DERA: variants seen among roughly 807,000 people sequenced by gnomAD.
DERA encodes the protein 2-deoxy-D-ribose 5-phosphate aldolase.
In DERA, 15 loss-of-function variants were observed where a neutral mutation model predicts 41.1. The ratio of observed to expected loss-of-function variants is 0.37; its 90% CI spans 0.24 to 0.56. DERA has a LOEUF of 0.56. Among genes scored for constraint, DERA ranks in the 20% least tolerant of loss-of-function variants. The pLI, the probability that DERA is intolerant of heterozygous loss-of-function variation, is 0.81. For missense variants in DERA, 396 were observed against 403.4 expected (o/e 0.98, Z 0.16); for synonymous variants, 139 against 137.4 (o/e 1.01, Z -0.08).
Position 15,921,293 on chromosome 12 carries a change from AGG to A in DERA, c.31+9880_31+9881del, listed in dbSNP as rs986218006. 3.9e-5 allele frequency among the ~76,000 whole-genome samples: 6 copies of A among 152,144 alleles called. No homozygotes were observed. Among genetic ancestry groups the A allele is most frequent in the Non-Finnish European group, 1.5e-5 (1 of 68,034 alleles). ...TCAAATGATGCCAGTGGTTAGTGGA[AGG>A]ATATAATCAGTGTTCTTGATGATTT... On this transcript the variant is annotated intron_variant, in intron 1 of 8. Coordinates refer to ENST00000428559, the MANE Select transcript of DERA (RefSeq NM_015954.4). The surrounding 1 kb of genome is among the most constrained non-coding windows in gnomAD (Gnocchi z 5.3).
intron 1 of DERA, among the ~76,000 whole-genome samples, chr12:15,917,262 A>C (rs1948207498): frequency 1.3e-5 from 2 of 152,226 alleles, no homozygotes; most frequent in Non-Finnish European, 2.9e-5. Context: ...GTGGCATATG[A>C]AAATTTGACT....
rs1948821106 is a variant in DERA, at chr12:15,994,170, A to G, written c.637+11734A>G. Among the ~76,000 whole-genome samples, 1 of 152,248 alleles carries G rather than the reference A, an allele frequency of 6.6e-6. No individual in the cohort carries two copies. Among genetic ancestry groups the G allele is most frequent in the Non-Finnish European group, 1.5e-5 (1 of 68,040 alleles). The stretch of plus-strand genomic sequence containing the variant: ...AAAGACTGGTACATAGTAAATGCCT[A>G]GTACATGCTTGCTGATAGATTCAGG... On this transcript the variant is annotated intron_variant, in intron 6 of 8. Transcript: ENST00000428559. The surrounding 1 kb of genome is among the most constrained non-coding windows in gnomAD (Gnocchi z 4.8).
rs1948615249 is a variant in DERA at position 15,965,403 on chromosome 12, G to C, written c.508+2456G>C. Among the ~76,000 whole-genome samples the C allele has an allele frequency of 6.6e-6, 1 of 152,130 alleles. No individual in the cohort carries two copies. The highest frequency in any genetic ancestry group is 2.1e-4 in the South Asian group (1 of 4,818). On this transcript the variant is annotated intron_variant, in intron 5 of 8. Transcript: ENST00000428559. This position sits in a 1 kb window ranked among gnomAD's most constrained non-coding sequence, Gnocchi z 4.1. The stretch of plus-strand genomic sequence containing the variant: ...CACCTATCAACCCATCACCTAGGTA[G>C]GTATTAAGTGCCTCATGCATTAGCT...
In DERA at chr12:16,020,920, C is replaced by T. The variant is rs188757482; in HGVS notation, c.638-11622C>T. The stretch of plus-strand genomic sequence containing the variant: ...GCAGCAAAGCATTCATGATGTGGCC[C>T]GGCTACTTCTAACAGCCTACAGTCA... On this transcript the variant is annotated intron_variant, in intron 6 of 8. Transcript: ENST00000428559. This position sits in a 1 kb window ranked among gnomAD's most constrained non-coding sequence, Gnocchi z 5.5. Among the ~76,000 whole-genome samples, 70 of 152,246 alleles carry T rather than the reference C, an allele frequency of 4.6e-4. No homozygotes were observed. Among genetic ancestry groups the T allele is most frequent in the African/African-American group, 1.4e-3 (60 of 41,544 alleles).
intron 3 of DERA, 43 bp downstream of exon 3, chr12:15,958,378 A>C: frequency 6.8e-7 from 1 of 1,479,124 alleles, no homozygotes; most frequent in Non-Finnish European, 9.0e-7. Context: ...TAGTGCTTAC[A>C]ATACTGATTA....
intron 1 of DERA, among the ~76,000 whole-genome samples, chr12:15,917,737 TTCCACAGACTGGGGTAG>T (rs1486343793): frequency 6.6e-6 from 1 of 152,222 alleles, no homozygotes; most frequent in African/African-American, 2.4e-5. Flanking sequence ...AGGACAGTTT[TTCCACAGACTGGGGTAG>T]GGGTGGGTGT....
chr12:16,021,119 A>C lies in DERA; in HGVS notation c.638-11423A>C, dbSNP rs1949014721. On this transcript the variant is annotated intron_variant, in intron 6 of 8. Transcript: ENST00000428559. The surrounding 1 kb of genome is among the most constrained non-coding windows in gnomAD (Gnocchi z 5.3). ...TTGTCTAAAAGGGAGCCAAGTGCTC[A>C]TATATAAGACTGTGGGGAAAAGACT... 1.3e-5 allele frequency among the ~76,000 whole-genome samples: 2 copies of C among 152,246 alleles called. No individual in the cohort carries two copies. Among genetic ancestry groups the C allele is most frequent in the Non-Finnish European group, 2.9e-5 (2 of 68,042 alleles).
chr12:16,034,168 GT>G (rs1236239856), intron 7 of DERA, among the ~76,000 whole-genome samples: 1 of 152,190 alleles, frequency 6.6e-6, no homozygotes, highest in African/African-American at 2.4e-5. Flanking sequence ...TTTGCATTAA[GT>G]TCCATTGCCA....
At position 15,924,770 on chromosome 12, in the gene DERA, A is replaced by T. The variant is rs1320518626; in HGVS notation, c.31+13356A>T. Among the ~76,000 whole-genome samples the T allele has an allele frequency of 6.6e-6, 1 of 152,208 alleles. No homozygotes were observed. The highest frequency in any genetic ancestry group is 2.4e-5 in the African/African-American group (1 of 41,454). On this transcript the variant is annotated intron_variant, in intron 1 of 8. Coordinates refer to ENST00000428559, the MANE Select transcript of DERA (RefSeq NM_015954.4). This position sits in a 1 kb window ranked among gnomAD's most constrained non-coding sequence, Gnocchi z 5.0. ...CTTTCACCATTTCACCTCCTCCCTG[A>T]AGGCTTACTTGGTCTCCTCTGCTAG...
Position 15,967,739 on chromosome 12 carries a change from C to G in DERA, c.508+4792C>G, listed in dbSNP as rs1255649539. Among the ~76,000 whole-genome samples, 3 of 152,218 alleles carry G rather than the reference C, an allele frequency of 2.0e-5. No homozygotes were observed. In the East Asian group the frequency reaches 5.8e-4, roughly 29 times the overall value. On this transcript the variant is annotated intron_variant, in intron 5 of 8. Transcript: ENST00000428559. This position sits in a 1 kb window ranked among gnomAD's most constrained non-coding sequence, Gnocchi z 4.9. Reference sequence around the variant, plus strand: ...TGTTGAGCTCGTGACGGCACACTGTCCTTCCCTGCCAATCCTTCTGTCACT... The same window carrying G: ...TGTTGAGCTCGTGACGGCACACTGTGCTTCCCTGCCAATCCTTCTGTCACT...
At position 15,954,303 on chromosome 12, in the gene DERA, C is replaced by T. The variant is rs538976773; in HGVS notation, c.32-2633C>T. Among the ~76,000 whole-genome samples, 8 of 152,214 alleles carry T rather than the reference C, an allele frequency of 5.3e-5. No homozygotes were observed. Among genetic ancestry groups the T allele is most frequent in the African/African-American group, 1.7e-4 (7 of 41,526 alleles). ...TATGCCACCCGTGCGTCAGGTCCTT[C>T]GCTTGGAGTTTTAAAAAATCTTTTG... On this transcript the variant is annotated intron_variant, in intron 1 of 8. Transcript: ENST00000428559. The surrounding 1 kb of genome is among the most constrained non-coding windows in gnomAD (Gnocchi z 4.0).
chr12:16,003,636 C>T lies in DERA; in HGVS notation c.637+21200C>T, dbSNP rs746256060. ...GGGCAGTGGAGAGGGAAGTAGACTG[C>T]AGGGTTGATGTAAGAAAAACAGGTG... On this transcript the variant is annotated intron_variant, in intron 6 of 8. Coordinates refer to ENST00000428559, the MANE Select transcript of DERA (RefSeq NM_015954.4). The surrounding 1 kb of genome is among the most constrained non-coding windows in gnomAD (Gnocchi z 4.8). Among the ~76,000 whole-genome samples the T allele has an allele frequency of 3.9e-5, 6 of 152,112 alleles. No individual in the cohort carries two copies. Among genetic ancestry groups the T allele is most frequent in the Non-Finnish European group, 7.4e-5 (5 of 68,010 alleles).
At chr12:15,960,124 C>G (rs953367221) in intron 4 of DERA, among the ~76,000 whole-genome samples, 200 bp downstream of exon 4, 5 of 151,370 alleles carry the variant, frequency 3.3e-5, no homozygotes, top group African/African-American at 1.2e-4. Flanking sequence ...AACTGTATTC[C>G]TATCCTTAAA....
intron 1 of DERA, among the ~76,000 whole-genome samples, chr12:15,933,148 TC>T (rs1395041596): frequency 2.6e-5 from 4 of 152,222 alleles, no homozygotes; most frequent in African/African-American, 9.6e-5. Flanking sequence ...AGATGTTTCT[TC>T]AACATACTGA....
rs184913287 is a variant in DERA at position 15,970,421 on chromosome 12, T to C, written c.508+7474T>C. The stretch of plus-strand genomic sequence containing the variant: ...ATACATATAAGTTTTATTAACAGAG[T>C]TTTTGATGTCTAGAGCAGTGCTTTT... On this transcript the variant is annotated intron_variant, in intron 5 of 8. Coordinates refer to ENST00000428559, the MANE Select transcript of DERA (RefSeq NM_015954.4). This position sits in a 1 kb window ranked among gnomAD's most constrained non-coding sequence, Gnocchi z 4.3. 2.6e-3 allele frequency among the ~76,000 whole-genome samples: 400 copies of C among 152,280 alleles called. 4 individuals are homozygous for C. The highest frequency in any genetic ancestry group is 9.2e-3 in the African/African-American group (381 of 41,568).
intron 1 of DERA, among the ~76,000 whole-genome samples, chr12:15,942,736 G>C (rs1445563224): frequency 6.6e-6 from 1 of 152,204 alleles, no homozygotes; most frequent in Non-Finnish European, 1.5e-5. Context: ...CTTTTAGAGT[G>C]AAACACTTGG....
At chr12:16,006,963 G>T (rs7969174) in intron 6 of DERA, among the ~76,000 whole-genome samples, 12,171 of 152,230 alleles carry the variant, frequency 0.08, 1,469 homozygotes, top group African/African-American at 0.25. Context: ...GAAGTGTCAT[G>T]TAACTGCTTT....
chr12:15,982,269 T>C lies in DERA; in HGVS notation c.509-39T>C, dbSNP rs766144198. On this transcript the variant is annotated intron_variant, in intron 5 of 8. Transcript: ENST00000428559. The surrounding 1 kb of genome is among the most constrained non-coding windows in gnomAD (Gnocchi z 4.0). ...ACGGCTGCCAAGTTATGTTATCACT[T>C]GCCTGCTTTGTAACTGCCTCAATTA... 1.3e-6 allele frequency: 2 copies of C among 1,594,802 alleles called. No homozygotes were observed. Among genetic ancestry groups the C allele is most frequent in the Admixed American group, 3.6e-5 (2 of 55,496 alleles).
Position 15,911,521 on chromosome 12 carries a change from G to C in DERA, c.31+107G>C. On this transcript the variant is annotated intron_variant, in intron 1 of 8. Transcript: ENST00000428559. This position sits in a 1 kb window ranked among gnomAD's most constrained non-coding sequence, Gnocchi z 4.5. Reference sequence around the variant, plus strand: ...GTGCCCTGGCTGTGGGTCCCCGAGGGGTTTTCGCTGGGGCGGGAAGCAGTG... The same window carrying C: ...GTGCCCTGGCTGTGGGTCCCCGAGGCGTTTTCGCTGGGGCGGGAAGCAGTG... 1 of 1,142,652 alleles carries C rather than the reference G, an allele frequency of 8.8e-7. No homozygotes were observed. The highest frequency in any genetic ancestry group is 1.2e-6 in the Non-Finnish European group (1 of 831,806). The allele number at this position is 1,142,652 out of a possible 1,614,324, so 70.8% of individuals were successfully genotyped here. A position where few individuals can be genotyped will look rare whatever the true frequency, so the allele number is the denominator to read the frequency against.
Sources: gnomAD v4.1 joint callset for allele counts (sites outside exome capture counted in the v4.1 genomes callset) on GRCh38, gnomAD v4.1.1 for gene constraint, Gnocchi (gnomAD v3.1) non-coding constraint, MANE v1.5 for transcripts, NCBI Gene and HGNC (gene_info 2026-07-23, HGNC 2026-07-21) for gene names.